Variants in UIMC1 observed in about 807,000 individuals in gnomAD.
The protein encoded by UIMC1 is BRCA1-A complex subunit RAP80.
A neutral mutation model predicts 84.9 loss-of-function variants in UIMC1; 42 were observed. That is an observed-to-expected ratio of 0.49 (90% confidence interval 0.39 to 0.64). UIMC1 has a LOEUF of 0.64. UIMC1 is among the 30% of genes least tolerant of loss of function. UIMC1 has a pLI of 0.00. For missense variants in UIMC1, 825 were observed against 847.6 expected (o/e 0.97, Z 0.33); for synonymous variants, 281 against 293.0 (o/e 0.96, Z 0.42).
intron 1 of UIMC1, among the ~76,000 whole-genome samples, chr5:176,994,110 A>G (rs1773261795): frequency 6.6e-6 from 1 of 152,156 alleles, no homozygotes; most frequent in African/African-American, 2.4e-5. Flanking sequence ...CTTATTAAAC[A>G]CATAAACACT....
At position 176,911,147 on chromosome 5, in the gene UIMC1, AAAGAAAAGAAAAGAAAAGAAAAG is replaced by A. The variant is rs1456866856; in HGVS notation, c.1676+141_1676+163del. 4.5e-4 allele frequency among the ~76,000 whole-genome samples: 33 copies of A among 73,324 alleles called. 1 individual carries two copies. Among genetic ancestry groups the A allele is most frequent in the African/African-American group, 1.6e-3 (32 of 19,562 alleles). The allele number at this position is 73,324 out of a possible 152,430, so 48.1% of individuals were successfully genotyped here. On this transcript the variant is annotated intron_variant, in intron 11 of 14. Transcript: ENST00000511320. ...AAAGAAAAGAAAAGAAAAGAAAAGA[AAAGAAAAGAAAAGAAAAGAAAAG>A]AAAAGAAAATTCAGGCATCCAAGCA...
At chr5:176,940,866 A>G (rs866490483) in intron 10 of UIMC1, among the ~76,000 whole-genome samples, 1 of 152,294 alleles carries the variant, frequency 6.6e-6, no homozygotes, top group Middle Eastern at 3.4e-3. Context: ...ACCTCACAAA[A>G]ACTGAACAAG....
chr5:176,970,891 A>G (rs1581588263), intron 3 of UIMC1, 25 bp from the exon 4 acceptor site: 5 of 1,610,834 alleles, frequency 3.1e-6, no homozygotes, highest in Non-Finnish European at 4.2e-6. Context: ...GGAAAAGAGA[A>G]GGAGGAACAC....
intron 4 of UIMC1, 88 bp from the exon 5 acceptor site, chr5:176,969,794 C>T (rs936448270): frequency 9.4e-7 from 1 of 1,064,276 alleles, no homozygotes; most frequent in Non-Finnish European, 1.4e-6. Flanking sequence ...TGGGAGGCCA[C>T]CGTTCATAAG....
At chr5:176,970,413 C>A (rs539402757) in intron 4 of UIMC1, 15 of 357,898 alleles carry the variant, frequency 4.2e-5, no homozygotes, top group African/African-American at 2.9e-4. Context: ...TCCCACAATA[C>A]TAGAGAAGTT....
chr5:176,952,539 T>C (rs1245520461), intron 8 of UIMC1, among the ~76,000 whole-genome samples: 1 of 152,246 alleles, frequency 6.6e-6, no homozygotes, highest in East Asian at 1.9e-4. Context: ...ATCTATGTAC[T>C]GTCTATGGCT....
At chr5:176,951,694 T>C (rs1355555316) in intron 8 of UIMC1, 117 bp from the exon 9 acceptor site, 1 of 642,490 alleles carries the variant, frequency 1.6e-6, no homozygotes, top group African/African-American at 1.9e-5. Context: ...GTGGTGGCAA[T>C]ATATTAATAG....
intron 1 of UIMC1, among the ~76,000 whole-genome samples, chr5:176,987,312 C>CTA (rs1469541769): frequency 4.6e-5 from 7 of 152,096 alleles, no homozygotes; most frequent in Admixed American, 2.0e-4. Context: ...AATTGCATTC[C>CTA]TATATGCTAG....
intron 6 of UIMC1, among the ~76,000 whole-genome samples, chr5:176,965,001 C>G (rs1319539911): frequency 6.6e-6 from 1 of 152,104 alleles, no homozygotes; most frequent in Non-Finnish European, 1.5e-5. Flanking sequence ...TCAACCTACA[C>G]CTGAAAAACA....
chr5:177,003,212 CAT>C (rs1006160104), intron 1 of UIMC1, among the ~76,000 whole-genome samples: 295 of 152,226 alleles, frequency 1.9e-3, no homozygotes, highest in African/African-American at 6.8e-3. Flanking sequence ...CACACACACA[CAT>C]ATAAACACAC....
intron 1 of UIMC1, among the ~76,000 whole-genome samples, chr5:176,997,708 C>T (rs1294299623): frequency 6.8e-6 from 1 of 147,044 alleles, no homozygotes; most frequent in African/African-American, 2.5e-5. Flanking sequence ...AAAAAAAACC[C>T]ATTTCAATGG....
intron 1 of UIMC1, among the ~76,000 whole-genome samples, chr5:176,994,210 GA>G (rs1240457059): frequency 6.7e-6 from 1 of 150,342 alleles, no homozygotes; most frequent in African/African-American, 2.5e-5. Flanking sequence ...TATCTCAAAA[GA>G]AAAAATAAAA....
intron 1 of UIMC1, among the ~76,000 whole-genome samples, chr5:177,001,221 G>C (rs971043524): frequency 6.6e-6 from 1 of 152,126 alleles, no homozygotes; most frequent in African/African-American, 2.4e-5. Context: ...TCATTCTTCT[G>C]CATATAGATA....
chr5:176,929,562 C>T (rs1328398989), intron 10 of UIMC1, among the ~76,000 whole-genome samples: 1 of 150,940 alleles, frequency 6.6e-6, no homozygotes, highest in African/African-American at 2.4e-5. Flanking sequence ...GTGACTCCGT[C>T]TCAAAAAAAA....
upstream of UIMC1, among the ~76,000 whole-genome samples, chr5:177,008,577 G>A (rs1044608890): frequency 2.6e-5 from 4 of 151,936 alleles, no homozygotes; most frequent in African/African-American, 7.3e-5. Flanking sequence ...TCCTTTTAGG[G>A]CATCTTACTT....
chr5:176,951,357 C>T, intron 9 of UIMC1, 117 bp downstream of exon 9: 1 of 689,570 alleles, frequency 1.5e-6, no homozygotes, highest in Non-Finnish European at 2.3e-6. Flanking sequence ...CATAAGGGCC[C>T]CCAAAACTAA....
At chr5:176,965,432 A>C (rs543058643) in intron 6 of UIMC1, among the ~76,000 whole-genome samples, 1 of 152,102 alleles carries the variant, frequency 6.6e-6, no homozygotes, top group East Asian at 1.9e-4. Context: ...AAAAAAAAAA[A>C]AAACTTCTGA....
intron 10 of UIMC1, among the ~76,000 whole-genome samples, chr5:176,920,794 G>A (rs1185052750): frequency 6.6e-6 from 1 of 152,120 alleles, no homozygotes; most frequent in Non-Finnish European, 1.5e-5. Context: ...TAACTGTCCT[G>A]GCTAGAACCT....
At chr5:176,931,814 G>A (rs1235463007) in intron 10 of UIMC1, among the ~76,000 whole-genome samples, 2 of 152,122 alleles carry the variant, frequency 1.3e-5, no homozygotes, top group East Asian at 1.9e-4. Context: ...GTGAAACCCC[G>A]CCTCTACTAA....
Sources: allele counts gnomAD v4.1 joint callset (sites outside exome capture counted in the v4.1 genomes callset), GRCh38; gene constraint gnomAD v4.1.1; transcripts MANE v1.5; gene names NCBI Gene and HGNC (gene_info 2026-07-23, HGNC 2026-07-21).